RTN3: variants seen among roughly 807,000 people sequenced by gnomAD.
RTN3 encodes the protein reticulon-3.
RTN3 carries 49 observed loss-of-function variants against 77.8 expected under a neutral mutation model. The observed-to-expected ratio is 0.63, with a 90% CI of 0.50 to 0.80. The LOEUF is 0.80. Among genes scored for constraint, RTN3 ranks in the 30% least tolerant of loss-of-function variants. The probability of loss-of-function intolerance (pLI) is 0.00; values close to 1 mark genes in which losing one functional copy is unlikely to be tolerated. For missense variants in RTN3, 1,236 were observed against 1,211.9 expected, an observed-to-expected ratio of 1.02 and a Z score of -0.29; for synonymous variants, 464 against 446.9, an observed-to-expected ratio of 1.04 and a Z score of -0.48.
At chr11:63,687,736 GT>G (rs1431226501) in intron 1 of RTN3, among the ~76,000 whole-genome samples, 1 of 152,038 alleles carries the variant, frequency 6.6e-6, no homozygotes, top group Non-Finnish European at 1.5e-5. Context: ...CATTTGCTTT[GT>G]ACCCTTAAAT....
intron 3 of RTN3, among the ~76,000 whole-genome samples, chr11:63,729,451 T>TG (rs2012526016): frequency 3.9e-5 from 5 of 127,378 alleles, no homozygotes; most frequent in African/African-American, 1.5e-4. Flanking sequence ...TTTTTTTTTT[T>TG]TTTTTTTTGT....
chr11:63,739,059 A>G (rs912079810), intron 3 of RTN3, among the ~76,000 whole-genome samples: 14 of 152,206 alleles, frequency 9.2e-5, no homozygotes, highest in Admixed American at 3.9e-4. Context: ...TTAAAATAAA[A>G]GTAATATGGC....
At chr11:63,684,781 T>C (rs1412770081) in intron 1 of RTN3, among the ~76,000 whole-genome samples, 2 of 151,834 alleles carry the variant, frequency 1.3e-5, no homozygotes, top group East Asian at 1.9e-4. Flanking sequence ...GAAACTCTTT[T>C]TGGAGTCTCG....
chr11:63,701,484 A>G (rs903296891), intron 1 of RTN3, among the ~76,000 whole-genome samples: 3 of 152,160 alleles, frequency 2.0e-5, no homozygotes, highest in Non-Finnish European at 2.9e-5. Flanking sequence ...CCAGAGAGTA[A>G]AATTTCTCTC....
intron 7 of RTN3, among the ~76,000 whole-genome samples, chr11:63,755,082 T>G (rs892629934): frequency 1.3e-5 from 2 of 152,046 alleles, no homozygotes; most frequent in South Asian, 4.1e-4. Context: ...AGATTATTCT[T>G]TATGGATTAA....
chr11:63,727,570 G>A (rs1317322682), intron 3 of RTN3, among the ~76,000 whole-genome samples: 3 of 152,152 alleles, frequency 2.0e-5, no homozygotes, highest in Non-Finnish European at 4.4e-5. Context: ...GGAGATGACA[G>A]GGGAAGAAGC....
chr11:63,701,088 C>CA (rs35169888), intron 1 of RTN3, among the ~76,000 whole-genome samples: 98,916 of 135,338 alleles, frequency 0.73, 36,906 homozygotes, highest in East Asian at 0.97. Context: ...GACTCCTTCT[C>CA]AAAAAAAAAA....
intron 2 of RTN3, among the ~76,000 whole-genome samples, chr11:63,713,112 A>G (rs539065418): frequency 1.3e-5 from 2 of 152,190 alleles, no homozygotes; most frequent in African/African-American, 4.8e-5. Flanking sequence ...ATATAAAAGA[A>G]TTTTTTATTT....
At chr11:63,688,543 GT>G (rs1480762806) in intron 1 of RTN3, among the ~76,000 whole-genome samples, 1 of 152,062 alleles carries the variant, frequency 6.6e-6, no homozygotes, top group East Asian at 1.9e-4. Flanking sequence ...TTTTAATGCT[GT>G]TTTTGTTTAT....
intron 3 of RTN3, among the ~76,000 whole-genome samples, chr11:63,727,030 A>C (rs1327451437): frequency 6.6e-6 from 1 of 152,114 alleles, no homozygotes; most frequent in Non-Finnish European, 1.5e-5. Flanking sequence ...TCTCCACTAA[A>C]AAATACAAAA....
chr11:63,720,067 A>G lies in RTN3; in HGVS notation c.1565A>G (p.Glu522Gly), dbSNP rs1277828525. The change falls in exon 3 of 9, where the codon GAA (glutamate) becomes GGA (glycine). Residue 522 changes from glutamate to glycine, a missense_variant. Physicochemically the swap from Glu to Gly is moderately conservative, Grantham distance 98 (BLOSUM62 -2). Transcript: ENST00000377819. ...TSFENNKIQA[E>G]KPVSIPSAVV... ...TTTGAAAATAACAAAATTCAGGCTG[A>G]AAAACCTGTTTCCATTCCAAGTGCT... is the stretch of plus-strand genomic sequence containing the variant. 3 of 1,614,096 alleles carry G rather than the reference A, an allele frequency of 1.9e-6. No individual in the cohort carries two copies. The highest frequency in any genetic ancestry group is 1.7e-5 in the Admixed American group (1 of 60,012).
chr11:63,734,781 A>C (rs2850617), intron 3 of RTN3, among the ~76,000 whole-genome samples: 42,819 of 104,828 alleles, frequency 0.41, 7,738 homozygotes, highest in Admixed American at 0.52. Flanking sequence ...ACACACACAC[A>C]CCATACTGGA....
chr11:63,691,114 CTTTTTTTT>C (rs796809025), intron 1 of RTN3, among the ~76,000 whole-genome samples: 2 of 91,878 alleles, frequency 2.2e-5, no homozygotes, highest in African/African-American at 8.4e-5. Flanking sequence ...ATTGCTAATT[CTTTTTTTT>C]TTTTTTTTTT....
chr11:63,752,499 T>A lies in RTN3; in HGVS notation c.2739-8T>A. The A allele has an allele frequency of 6.2e-6, 10 of 1,611,362 alleles. No individual in the cohort carries two copies. Among genetic ancestry groups the A allele is most frequent in the Non-Finnish European group, 7.6e-6 (9 of 1,177,962 alleles). On this transcript the variant is annotated splice_polypyrimidine_tract_variant and splice_region_variant and intron_variant, in intron 4 of 8. Transcript: ENST00000377819. ...CAAATGTATGACTGTTATTTCTTCT[T>A]CTGGAAGAGCCTACCTGGACGTAGA...
At chr11:63,753,896 G>A (rs1418489718) in intron 7 of RTN3, among the ~76,000 whole-genome samples, 188 bp downstream of exon 7, 2 of 152,220 alleles carry the variant, frequency 1.3e-5, no homozygotes, top group African/African-American at 4.8e-5. Context: ...GGATATTTAG[G>A]AGAGAGATGA....
chr11:63,751,132 A>T (rs1317478393), intron 4 of RTN3, among the ~76,000 whole-genome samples: 3 of 152,192 alleles, frequency 2.0e-5, no homozygotes, highest in Non-Finnish European at 4.4e-5. Flanking sequence ...CTCCCAAATC[A>T]TGCATGGGAT....
chr11:63,749,920 G>T (rs1400137452), intron 3 of RTN3, 71 bp from the exon 4 acceptor site: 2 of 1,111,456 alleles, frequency 1.8e-6, no homozygotes, highest in African/African-American at 1.5e-5. Flanking sequence ...CTAATGTGAG[G>T]CTCCACAGGT....
At chr11:63,731,469 C>T (rs1328791285) in intron 3 of RTN3, among the ~76,000 whole-genome samples, 1 of 152,032 alleles carries the variant, frequency 6.6e-6, no homozygotes, top group Non-Finnish European at 1.5e-5. Context: ...ATGATGAAGA[C>T]AACATCTAGG....
At chr11:63,708,540 A>G (rs1942604123) in intron 2 of RTN3, among the ~76,000 whole-genome samples, 1 of 152,202 alleles carries the variant, frequency 6.6e-6, no homozygotes, top group Non-Finnish European at 1.5e-5. Context: ...GGTTTCAGGT[A>G]GATGCATGTA....
Sources: allele counts gnomAD v4.1 joint callset (sites outside exome capture counted in the v4.1 genomes callset), GRCh38; gene constraint gnomAD v4.1.1; transcripts MANE v1.5; gene names NCBI Gene and HGNC (gene_info 2026-07-23, HGNC 2026-07-21).